PRRX2: variants seen among roughly 807,000 people sequenced by gnomAD.
The protein encoded by PRRX2 is paired related homeobox 2.
Under a neutral mutation model 18.0 loss-of-function variants are expected in PRRX2, and 11 were observed. That is an observed-to-expected ratio of 0.61 (90% confidence interval 0.39 to 1.01). PRRX2 has a LOEUF of 1.01. Among genes scored for constraint, PRRX2 ranks in the 50% least tolerant of loss-of-function variants. PRRX2 has a pLI of 0.01. For synonymous variants in PRRX2, 177 were observed against 154.8 expected (o/e 1.14, Z -1.06); for missense variants, 387 against 351.0 (o/e 1.10, Z -0.82).
rs1250242905 is a variant in PRRX2 at position 129,665,970 on chromosome 9, C to T, written c.103C>T (p.Arg35Cys). 1.8e-6 allele frequency: 2 copies of T among 1,142,052 alleles called. No individual in the cohort carries two copies. Among genetic ancestry groups the T allele is most frequent in the Non-Finnish European group, 2.2e-6 (2 of 924,330 alleles). 70.7% of individuals were successfully genotyped at this position (1,142,052 alleles called of 1,614,324 possible). Residue 35 changes from arginine to cysteine, a missense_variant, in exon 1 of 4, where the codon CGC (arginine) becomes TGC (cysteine). Transcript: ENST00000372469. The surrounding 1 kb of genome is among the most constrained non-coding windows in gnomAD (Gnocchi z 5.3). ...ALGPGDCAQA[R>C]KNFSVSHLLD... ...GGGGCCCGGCGACTGCGCCCAGGCGCGCAAGAACTTCTCGGTGAGCCACCT... is the reference window on the plus strand; with the variant it reads ...GGGGCCCGGCGACTGCGCCCAGGCGTGCAAGAACTTCTCGGTGAGCCACCT...
intron 1 of PRRX2, among the ~76,000 whole-genome samples, chr9:129,714,394 C>T (rs1832676755): frequency 1.4e-5 from 2 of 145,826 alleles, no homozygotes; most frequent in African/African-American, 5.3e-5. Flanking sequence ...CAGAGCGATA[C>T]TCTGTCTCAA....
intron 1 of PRRX2, among the ~76,000 whole-genome samples, chr9:129,711,882 G>C (rs1832626996): frequency 6.6e-6 from 1 of 152,154 alleles, no homozygotes; most frequent in Non-Finnish European, 1.5e-5. Flanking sequence ...GCCTCCCTCA[G>C]GGCCACTTGT....
intron 1 of PRRX2, among the ~76,000 whole-genome samples, chr9:129,666,679 AAAAC>A (rs907712315): frequency 4.1e-4 from 62 of 151,492 alleles, no homozygotes; most frequent in South Asian, 8.3e-4. Flanking sequence ...AGGGGCTTTA[AAAAC>A]AAACAACCCA....
chr9:129,705,066 A>G (rs1363392071), intron 1 of PRRX2, among the ~76,000 whole-genome samples: 2 of 152,246 alleles, frequency 1.3e-5, no homozygotes, highest in East Asian at 3.8e-4. Context: ...CGGGACAGAC[A>G]TGAACCCCTC....
At chr9:129,705,389 A>C (rs1160591434) in intron 1 of PRRX2, among the ~76,000 whole-genome samples, 1 of 152,146 alleles carries the variant, frequency 6.6e-6, no homozygotes, top group Non-Finnish European at 1.5e-5. Flanking sequence ...ATTGCCTGTG[A>C]ACAGGAGGCA....
intron 1 of PRRX2, among the ~76,000 whole-genome samples, chr9:129,708,635 G>T (rs1564153735): frequency 6.6e-6 from 1 of 152,068 alleles, no homozygotes; most frequent in Non-Finnish European, 1.5e-5. Context: ...TTTCTTAATG[G>T]TTATAACAGT....
intron 1 of PRRX2, among the ~76,000 whole-genome samples, chr9:129,702,099 T>C (rs552448581): frequency 2.6e-4 from 39 of 149,578 alleles, no homozygotes; most frequent in Non-Finnish European, 3.3e-4. Flanking sequence ...AAACTCCGTC[T>C]CAAAACTTTC....
chr9:129,696,815 A>G (rs201823596), intron 1 of PRRX2, among the ~76,000 whole-genome samples: 1 of 112,024 alleles, frequency 8.9e-6, no homozygotes. Context: ...GGTCCCTGAC[A>G]GAGGGAGGGC....
chr9:129,709,482 G>A lies in PRRX2; in HGVS notation c.260-9749G>A, dbSNP rs1440471507. 6.6e-6 allele frequency among the ~76,000 whole-genome samples: 1 copy of A among 152,200 alleles called. No individual in the cohort carries two copies. Among genetic ancestry groups the A allele is most frequent in the African/African-American group, 2.4e-5 (1 of 41,452 alleles). ...GCCACACTGGCTACCGGCCCCCAGG[G>A]CTGGGAGCAGGTCAGAGCACGGCAG... On this transcript the variant is annotated intron_variant, in intron 1 of 3. Transcript: ENST00000372469. This position sits in a 1 kb window ranked among gnomAD's most constrained non-coding sequence, Gnocchi z 4.2.
At chr9:129,673,589 C>T (rs2119052331) in intron 1 of PRRX2, among the ~76,000 whole-genome samples, 1 of 152,208 alleles carries the variant, frequency 6.6e-6, no homozygotes, top group South Asian at 2.1e-4. Context: ...ATTTGGGAAC[C>T]ACATGGTCTG....
intron 1 of PRRX2, among the ~76,000 whole-genome samples, chr9:129,710,285 C>T (rs1832602858): frequency 6.6e-6 from 1 of 152,188 alleles, no homozygotes; most frequent in African/African-American, 2.4e-5. Flanking sequence ...CTGGCTCTGC[C>T]TACTGGAGTG....
chr9:129,705,692 G>A (rs889250640), intron 1 of PRRX2, among the ~76,000 whole-genome samples: 1 of 151,996 alleles, frequency 6.6e-6, no homozygotes, highest in African/African-American at 2.4e-5. Context: ...GGGCTCAGAA[G>A]AACTTTTGGC....
intron 1 of PRRX2, among the ~76,000 whole-genome samples, chr9:129,696,798 C>G (rs1832429492): frequency 6.7e-6 from 1 of 149,548 alleles, no homozygotes; most frequent in African/African-American, 2.4e-5. Flanking sequence ...GTTGCAGGTG[C>G]AGAGGGGGTC....
intron 1 of PRRX2, among the ~76,000 whole-genome samples, chr9:129,713,809 A>G (rs1413189635): frequency 6.7e-6 from 1 of 150,190 alleles, no homozygotes; most frequent in African/African-American, 2.4e-5. Flanking sequence ...TTATTTATTT[A>G]TTTATTTATT....
chr9:129,686,576 T>G (rs1832301645), intron 1 of PRRX2, among the ~76,000 whole-genome samples: 1 of 152,114 alleles, frequency 6.6e-6, no homozygotes, highest in African/African-American at 2.4e-5. Flanking sequence ...CAAGTGATTC[T>G]CCCACCTCAG....
chr9:129,679,311 G>A (rs1051288486), intron 1 of PRRX2, among the ~76,000 whole-genome samples: 5 of 152,184 alleles, frequency 3.3e-5, no homozygotes, highest in African/African-American at 4.8e-5. Context: ...GGGTGCTGCT[G>A]CAGAGTCGGA....
At chr9:129,684,518 A>ACCCC (rs1312398778) in intron 1 of PRRX2, among the ~76,000 whole-genome samples, 6 of 38,370 alleles carry the variant, frequency 1.6e-4, no homozygotes, top group East Asian at 1.8e-3. Context: ...ACACACACAC[A>ACCCC]CACACCCACA....
intron 1 of PRRX2, among the ~76,000 whole-genome samples, chr9:129,701,113 A>C (rs975190326): frequency 1.3e-5 from 2 of 152,264 alleles, no homozygotes; most frequent in Non-Finnish European, 2.9e-5. Context: ...TAAATATCCC[A>C]CAAGAGGGGA....
intron 1 of PRRX2, among the ~76,000 whole-genome samples, chr9:129,691,909 C>T (rs79452259): frequency 2.0e-5 from 3 of 151,354 alleles, no homozygotes; most frequent in African/African-American, 4.9e-5. Context: ...AGGTATGAGC[C>T]ATCGTGCCTG....
Sources: allele counts gnomAD v4.1 joint callset (sites outside exome capture counted in the v4.1 genomes callset), GRCh38; gene constraint gnomAD v4.1.1; non-coding constraint Gnocchi (gnomAD v3.1); transcripts MANE v1.5; gene names NCBI Gene and HGNC (gene_info 2026-07-23, HGNC 2026-07-21).